BSN: variants seen among roughly 807,000 people sequenced by gnomAD.
BSN encodes protein bassoon.
In BSN, 57 loss-of-function variants were observed where a neutral mutation model predicts 264.8. The ratio of observed to expected loss-of-function variants is 0.22; its 90% CI spans 0.17 to 0.27. BSN has a LOEUF of 0.27. Ranked by LOEUF, BSN falls within the 10% of genes least tolerant of loss-of-function variation. BSN has a pLI of 1.00. For synonymous variants in BSN, 2,059 were observed against 2,137.3 expected (o/e 0.96, Z 1.01); for missense variants, 4,615 against 5,232.5 (o/e 0.88, Z 3.64).
chr3:49,614,083 G>A (rs1160527910), intron 1 of BSN, among the ~76,000 whole-genome samples: 9 of 130,038 alleles, frequency 6.9e-5, no homozygotes, highest in East Asian at 4.3e-4. Context: ...TTTGTGAGAC[G>A]GAGTCTCGCT....
At chr3:49,586,589 T>C (rs184684020) in intron 1 of BSN, among the ~76,000 whole-genome samples, 186 of 152,274 alleles carry the variant, frequency 1.2e-3, no homozygotes, top group Middle Eastern at 3.4e-3. Context: ...AATCCGTCCA[T>C]CTCAGCTTCC....
At chr3:49,644,277 G>A (rs527878864) in intron 3 of BSN, among the ~76,000 whole-genome samples, 7 of 152,334 alleles carry the variant, frequency 4.6e-5, no homozygotes, top group Non-Finnish European at 8.8e-5. Context: ...TGGCACAGGG[G>A]TGTGCGGAGT....
At chr3:49,643,399 G>A (rs1381214192) in intron 3 of BSN, among the ~76,000 whole-genome samples, 3 of 152,196 alleles carry the variant, frequency 2.0e-5, no homozygotes. Context: ...GTGCCCTAAG[G>A]CTGATCCCAG....
chr3:49,632,836 C>T (rs989728872), intron 2 of BSN, among the ~76,000 whole-genome samples: 1 of 151,956 alleles, frequency 6.6e-6, no homozygotes, highest in Admixed American at 6.6e-5. Flanking sequence ...TGTGGTGATA[C>T]ACACCTGTCT....
chr3:49,566,185 G>A (rs1234141430), intron 1 of BSN, among the ~76,000 whole-genome samples: 1 of 152,134 alleles, frequency 6.6e-6, no homozygotes, highest in Admixed American at 6.5e-5. Flanking sequence ...TATTGCATTT[G>A]GTTGATATGT....
At chr3:49,634,908 G>A (rs376010816) in intron 2 of BSN, among the ~76,000 whole-genome samples, 8 of 152,078 alleles carry the variant, frequency 5.3e-5, no homozygotes, top group African/African-American at 1.4e-4. Flanking sequence ...CCCCTCCCCC[G>A]CCCAGCTGCT....
At chr3:49,644,896 G>A (rs996054189) in intron 3 of BSN, among the ~76,000 whole-genome samples, 6 of 152,330 alleles carry the variant, frequency 3.9e-5, no homozygotes, top group African/African-American at 1.4e-4. Flanking sequence ...GCCAGGCCAC[G>A]GGAAGTGCTG....
At chr3:49,646,127 GCA>G (rs2052502736) in intron 3 of BSN, among the ~76,000 whole-genome samples, 1 of 152,172 alleles carries the variant, frequency 6.6e-6, no homozygotes, top group African/African-American at 2.4e-5. Flanking sequence ...GGAGTTCAGA[GCA>G]CACAATAGAG....
rs372802916 is a variant in BSN, at chr3:49,655,751, G to A, written c.6195G>A (p.Ser2065=). Residue 2065 remains serine (S), a synonymous_variant, in exon 5 of 12, where the codon TCG becomes TCA. Transcript: ENST00000296452. Reference sequence around the variant, plus strand: ...CCATGCGGCGCTATAGCTCAGTGTCGAACATCTACTCAGACCACAGGTACG... The same window carrying A: ...CCATGCGGCGCTATAGCTCAGTGTCAAACATCTACTCAGACCACAGGTACG... The part of the protein sequence containing the change: ...PLPMRRYSSV[S]NIYSDHRYGP... 6 of 1,613,464 alleles carry A rather than the reference G, an allele frequency of 3.7e-6. No homozygotes were observed. The highest frequency in any genetic ancestry group is 1.6e-4 in the Middle Eastern group (1 of 6,062).
intron 1 of BSN, among the ~76,000 whole-genome samples, chr3:49,594,678 A>G (rs577054591): frequency 1.3e-5 from 2 of 152,292 alleles, no homozygotes; most frequent in Non-Finnish European, 2.9e-5. Context: ...CTTTCTACAT[A>G]AATTTTAGAA....
rs1190227993 is a variant in BSN at position 49,655,792 on chromosome 3, C to A, written c.6236C>A (p.Ala2079Glu). The change falls in exon 5 of 12, where the codon GCA becomes GAA. Residue 2079 changes from alanine (A) to glutamate (E), a missense_variant. Physicochemically the swap from Ala to Glu is moderately radical, Grantham distance 107. Transcript: ENST00000296452. ...CACAGGTACGGCCCACGGGGAGATG[C>A]AGTTGGCTTCCAGGAGGCCAGCCTG... ...SDHRYGPRGD[A>E]VGFQEASLAQ... 1 of 1,613,434 alleles carries A rather than the reference C, an allele frequency of 6.2e-7. No homozygotes were observed. The highest frequency in any genetic ancestry group is 2.2e-5 in the East Asian group (1 of 44,882).
chr3:49,642,497 C>T lies in BSN; in HGVS notation c.863C>T (p.Pro288Leu), dbSNP rs200890584. The T allele has an allele frequency of 2.6e-3, 4,104 of 1,568,914 alleles. 12 individuals are homozygous for T. Among genetic ancestry groups the T allele is most frequent in the Non-Finnish European group, 3.0e-3 (3,442 of 1,158,220 alleles). ...GAGACAGCCAGGGCCACCTCAGTGCCGGGGCCTGCCCAAGCAGCTGCCCCT... is the reference window on the plus strand; with the variant it reads ...GAGACAGCCAGGGCCACCTCAGTGCTGGGGCCTGCCCAAGCAGCTGCCCCT... ...QAETARATSV[P>L]GPAQAAAPPE... is the part of the protein sequence containing the mutation. The change falls in exon 3 of 12, where the codon CCG (proline) becomes CTG (leucine). Residue 288 changes from proline to leucine, a missense_variant. By Grantham distance (98) the Pro-to-Leu change is moderately conservative. Transcript: ENST00000296452. This position sits in a 1 kb window ranked among gnomAD's most constrained non-coding sequence, Gnocchi z 7.0.
At chr3:49,617,652 G>A (rs984316961) in intron 1 of BSN, among the ~76,000 whole-genome samples, 15 of 152,110 alleles carry the variant, frequency 9.9e-5, no homozygotes, top group African/African-American at 2.4e-4. Flanking sequence ...ATATTTTGGC[G>A]GAGACCTTTG....
intron 1 of BSN, among the ~76,000 whole-genome samples, chr3:49,563,247 T>G (rs2051728579): frequency 6.6e-6 from 1 of 152,054 alleles, no homozygotes; most frequent in Non-Finnish European, 1.5e-5. Context: ...TTGCTTCTGG[T>G]AGGCAGGGGC....
Position 49,653,508 on chromosome 3 carries a change from G to A in BSN, c.3952G>A (p.Ala1318Thr), listed in dbSNP as rs200070309. 6.8e-6 allele frequency: 11 copies of A among 1,613,712 alleles called. No individual in the cohort carries two copies. The highest frequency in any genetic ancestry group is 4.4e-5 in the South Asian group (4 of 91,066). The change falls in exon 5 of 12, where the codon GCT becomes ACT. Residue 1318 changes from alanine to threonine, a missense_variant. Physicochemically the swap from Ala to Thr is moderately conservative, Grantham distance 58. This residue lies in a region of BSN where 3,415 missense variants were observed against 3,866.4 expected (regional missense o/e 0.88). Transcript: ENST00000296452. This position sits in a 1 kb window ranked among gnomAD's most constrained non-coding sequence, Gnocchi z 6.3. ...CCCTGGTACCAGTCCCACCCAGCTC[G>A]CTGCCCCTGTGTCCTTCTCTACCCC... ...LTPGTSPTQL[A>T]APVSFSTPTS...
At chr3:49,562,712 T>G (rs962379793) in intron 1 of BSN, among the ~76,000 whole-genome samples, 2 of 152,108 alleles carry the variant, frequency 1.3e-5, no homozygotes, top group African/African-American at 4.8e-5. Flanking sequence ...CTTCCCCGCC[T>G]CCTCCTCTGT....
intron 1 of BSN, among the ~76,000 whole-genome samples, chr3:49,557,818 G>A (rs1463324833): frequency 6.6e-6 from 1 of 152,128 alleles, no homozygotes; most frequent in Non-Finnish European, 1.5e-5. Context: ...ACCTGCCTCG[G>A]CCTCCCAAAG....
At chr3:49,609,006 T>C (rs770604564) in intron 1 of BSN, among the ~76,000 whole-genome samples, 9 of 150,738 alleles carry the variant, frequency 6.0e-5, no homozygotes, top group Non-Finnish European at 1.0e-4. Flanking sequence ...CAGGAAGGCA[T>C]AGCAGATTTC....
chr3:49,557,478 C>A (rs1432784568), intron 1 of BSN, among the ~76,000 whole-genome samples: 3 of 152,130 alleles, frequency 2.0e-5, no homozygotes. Context: ...TTATCAGTAC[C>A]CCAGAAAGTA....
Sources: gnomAD v4.1 joint callset for allele counts (sites outside exome capture counted in the v4.1 genomes callset) on GRCh38, gnomAD v4.1.1 for gene constraint, gnomAD v4.1.1 regional missense constraint, Gnocchi (gnomAD v3.1) non-coding constraint, MANE v1.5 for transcripts, NCBI Gene and HGNC (gene_info 2026-07-23, HGNC 2026-07-21) for gene names.